SMG7: variants seen among roughly 807,000 people sequenced by gnomAD.
SMG7 encodes SMG7 nonsense mediated mRNA decay factor, also known as nonsense-mediated mRNA decay factor SMG7.
In SMG7, 34 loss-of-function variants were observed where a neutral mutation model predicts 148.2. That is an observed-to-expected ratio of 0.23 (90% CI 0.17 to 0.31). SMG7 has a LOEUF of 0.31. Ranked by LOEUF, SMG7 falls within the 10% of genes least tolerant of loss-of-function variation. The pLI, the probability that SMG7 is intolerant of heterozygous loss-of-function variation, is 1.00. For missense variants in SMG7, 1,114 were observed against 1,408.4 expected (o/e 0.79, Z 3.35); for synonymous variants, 492 against 515.1 (o/e 0.96, Z 0.61).
At position 183,545,727 on chromosome 1, in the gene SMG7, T is replaced by A. The variant is rs150620938; in HGVS notation, c.2371-239T>A. ...AACAAACACTCTTATGCAAATATAT[T>A]CATTCATTCATTAAACCTCTTAAAT... On this transcript the variant is annotated intron_variant, in intron 16 of 22. Coordinates refer to ENST00000688051, the MANE Select transcript of SMG7 (RefSeq NM_001375584.1). Among the ~76,000 whole-genome samples, 23 of 152,302 alleles carry A rather than the reference T, an allele frequency of 1.5e-4. No homozygotes were observed. The East Asian group carries it at 4.4e-3, about 29-fold the overall frequency.
chr1:183,549,553 A>G (rs1305192217), intron 19 of SMG7, among the ~76,000 whole-genome samples: 1 of 152,168 alleles, frequency 6.6e-6, no homozygotes, highest in African/African-American at 2.4e-5. Context: ...TTCAACCTGG[A>G]TAGTTTACAC....
intron 13 of SMG7, 23 bp from the exon 14 acceptor site, chr1:183,542,053 T>C: frequency 1.3e-6 from 2 of 1,571,334 alleles, no homozygotes; most frequent in Non-Finnish European, 1.7e-6. Flanking sequence ...TTTTTATATA[T>C]GGATTTATTT....
At chr1:183,517,572 G>T in intron 3 of SMG7, 116 bp from the exon 4 acceptor site, 1 of 962,400 alleles carries the variant, frequency 1.0e-6, no homozygotes, top group Non-Finnish European at 1.7e-6. Flanking sequence ...CTTTAATGCA[G>T]GTTTACTGTC....
chr1:183,512,809 T>TC, intron 1 of SMG7, 28 bp from the exon 2 acceptor site: 1 of 341,048 alleles, frequency 2.9e-6, no homozygotes, highest in Non-Finnish European at 4.5e-6. Context: ...ACTGATACTC[T>TC]TTTTTTTTTT....
chr1:183,545,164 A>G lies in SMG7; in HGVS notation c.2222A>G (p.Gln741Arg), dbSNP rs1669697642. The G allele has an allele frequency of 1.2e-6, 2 of 1,614,010 alleles. No individual in the cohort carries two copies. Among genetic ancestry groups the G allele is most frequent in the African/African-American group, 2.7e-5 (2 of 74,900 alleles). ...QGPQQSQPPS[Q>R]QPLTSLPAQP... The stretch of plus-strand genomic sequence containing the variant: ...CCTCAACAATCACAGCCACCTTCCC[A>G]GCAACCCCTTACATCTTTACCAGCT... Residue 741 changes from glutamine (Q) to arginine (R), a missense_variant, in exon 16 of 23, where the codon CAG (glutamine) becomes CGG (arginine). Transcript: ENST00000688051.
chr1:183,475,878 A>AG (rs1196651343), intron 1 of SMG7, among the ~76,000 whole-genome samples: 1 of 150,980 alleles, frequency 6.6e-6, no homozygotes, highest in African/African-American at 2.4e-5. Context: ...TGAAGAAGGG[A>AG]GAAAAAAAAT....
intron 2 of SMG7, among the ~76,000 whole-genome samples, chr1:183,514,842 C>T (rs1165343347): frequency 6.6e-6 from 1 of 152,164 alleles, no homozygotes; most frequent in Non-Finnish European, 1.5e-5. Flanking sequence ...CTTAACTAGC[C>T]TGTAAACTCT....
At chr1:183,492,828 ATATAAAGC>A (rs1183247907) in intron 1 of SMG7, among the ~76,000 whole-genome samples, 2 of 152,284 alleles carry the variant, frequency 1.3e-5, no homozygotes, top group East Asian at 3.9e-4. Flanking sequence ...TAACATAAGC[ATATAAAGC>A]TATAAATACC....
Position 183,551,988 on chromosome 1 carries a change from C to T in SMG7, c.*57C>T. On this transcript the variant is annotated 3_prime_UTR_variant, in exon 23 of 23. Transcript: ENST00000688051. ...CATAAACCATGGCATGTTGGGTTTGCAGGACTGGCCCACACAGTCCCCTGC... is the reference window on the plus strand; with the variant it reads ...CATAAACCATGGCATGTTGGGTTTGTAGGACTGGCCCACACAGTCCCCTGC... 6.3e-7 allele frequency: 1 copy of T among 1,587,326 alleles called. No homozygotes were observed. Among genetic ancestry groups the T allele is most frequent in the East Asian group, 2.3e-5 (1 of 43,564 alleles).
chr1:183,524,997 T>G (rs1048686926), intron 4 of SMG7, among the ~76,000 whole-genome samples: 1 of 152,206 alleles, frequency 6.6e-6, no homozygotes, highest in African/African-American at 2.4e-5. Flanking sequence ...TACTTGTCTT[T>G]GTATCTTTCT....
intron 18 of SMG7, among the ~76,000 whole-genome samples, chr1:183,548,575 T>A (rs1670367899): frequency 6.6e-6 from 1 of 152,180 alleles, no homozygotes. Context: ...ACATTAATGA[T>A]ACAACGTATG....
At chr1:183,547,003 C>G in intron 17 of SMG7, 100 bp from the exon 18 acceptor site, 1 of 1,157,172 alleles carries the variant, frequency 8.6e-7, no homozygotes, top group African/African-American at 1.6e-5. Context: ...TCTCACTATC[C>G]CCTTGACTTT....
Position 183,553,061 on chromosome 1 carries a change from G to C in SMG7, c.*1130G>C. ...CAGCAGTATCTGCGTAGCCCACAGA[G>C]GGCCCAGGCCCCTGCCCAGCTGCAG... is the stretch of plus-strand genomic sequence containing the variant. On this transcript the variant is annotated 3_prime_UTR_variant, in exon 23 of 23. Transcript: ENST00000688051. 2.0e-6 allele frequency: 3 copies of C among 1,536,238 alleles called. No homozygotes were observed. The South Asian group carries it at 3.6e-5, about 18-fold the overall frequency.
intron 1 of SMG7, among the ~76,000 whole-genome samples, chr1:183,498,620 G>T (rs931954719): frequency 6.6e-6 from 1 of 152,140 alleles, no homozygotes; most frequent in Non-Finnish European, 1.5e-5. Flanking sequence ...GCAGCTTTAG[G>T]TTTACAGACA....
chr1:183,515,764 A>G (rs994104221), intron 2 of SMG7, 110 bp from the exon 3 acceptor site: 7 of 568,238 alleles, frequency 1.2e-5, no homozygotes, highest in South Asian at 7.6e-5. Flanking sequence ...ATATATTTAG[A>G]GCAGGTTTTG....
intron 1 of SMG7, among the ~76,000 whole-genome samples, chr1:183,487,587 A>G (rs1655789808): frequency 6.6e-6 from 1 of 152,200 alleles, no homozygotes; most frequent in South Asian, 2.1e-4. Flanking sequence ...CTGTGAAGAC[A>G]CTTTGCAGAA....
rs1293055066 is a variant in SMG7, at chr1:183,540,870, C to T, written c.1296-114C>T. ...AAATGCAGTTGATTACATCAAGTAG[C>T]TAACCTATGTGGGAAGTAATCTGAA... On this transcript the variant is annotated intron_variant, in intron 12 of 22. Transcript: ENST00000688051. 4 of 849,436 alleles carry T rather than the reference C, an allele frequency of 4.7e-6. No individual in the cohort carries two copies. The African/African-American group carries it at 6.9e-5, about 15-fold the overall frequency. 52.6% of individuals were successfully genotyped at this position (849,436 alleles called of 1,614,324 possible).
chr1:183,480,019 T>C (rs1653669007), intron 1 of SMG7, among the ~76,000 whole-genome samples: 2 of 152,118 alleles, frequency 1.3e-5, no homozygotes, highest in African/African-American at 4.8e-5. Flanking sequence ...TTAGATAAGG[T>C]AGGTTTATGG....
chr1:183,491,659 A>G (rs375751262), intron 1 of SMG7, among the ~76,000 whole-genome samples: 2 of 152,152 alleles, frequency 1.3e-5, no homozygotes, highest in Non-Finnish European at 2.9e-5. Context: ...CTAGTTTATT[A>G]GGTTTTTTCT....
Sources: allele counts gnomAD v4.1 joint callset (sites outside exome capture counted in the v4.1 genomes callset), GRCh38; gene constraint gnomAD v4.1.1; transcripts MANE v1.5; gene names NCBI Gene and HGNC (gene_info 2026-07-23, HGNC 2026-07-21).